Variants in DNAH6 observed in about 807,000 individuals in gnomAD.
DNAH6 encodes the protein axonemal beta dynein heavy chain 6.
In DNAH6, 340 loss-of-function variants were observed where a neutral mutation model predicts 491.4. The ratio of observed to expected loss-of-function variants is 0.69; its 90% confidence interval spans 0.63 to 0.76. The LOEUF (loss-of-function observed/expected upper bound fraction) is 0.76, where lower values mean the gene tolerates loss of function less well. Ranked by LOEUF, DNAH6 falls within the 30% of genes least tolerant of loss-of-function variation. The pLI is 0.00. For synonymous variants in DNAH6, 1,603 were observed against 1,686.1 expected, an observed-to-expected ratio of 0.95 and a Z score of 1.21; for missense variants, 4,443 against 4,972.2, an observed-to-expected ratio of 0.89 and a Z score of 3.20.
At chr2:84,508,114 A>G in the DNAH6 span, among the ~76,000 whole-genome samples, 1 of 152,112 alleles carries the variant, frequency 6.6e-6, no homozygotes, top group East Asian at 1.9e-4. Flanking sequence ...CTCTTTTTCT[A>G]TTGATTGGAG....
intron 47 of DNAH6, 93 bp from the exon 48 acceptor site, chr2:84,699,501 G>C: frequency 9.2e-7 from 1 of 1,081,346 alleles, no homozygotes; most frequent in South Asian, 1.6e-5. Context: ...TTTTATATTT[G>C]ATATTGGGAG....
chr2:84,656,783 A>G (rs1691013041), intron 35 of DNAH6, among the ~76,000 whole-genome samples: 2 of 151,916 alleles, frequency 1.3e-5, no homozygotes, highest in African/African-American at 4.8e-5. Flanking sequence ...TTCAGATTGT[A>G]TAAATATTTC....
chr2:84,726,561 A>C (rs958812829), intron 60 of DNAH6, among the ~76,000 whole-genome samples: 1 of 152,038 alleles, frequency 6.6e-6, no homozygotes, highest in African/African-American at 2.4e-5. Context: ...GCATGTTCTC[A>C]CTCATAGGTG....
intron 18 of DNAH6, among the ~76,000 whole-genome samples, chr2:84,596,869 A>G (rs545239274): frequency 4.3e-4 from 66 of 152,278 alleles, no homozygotes; most frequent in African/African-American, 1.5e-3. Context: ...ATAATTGTAA[A>G]CAAATTTATT....
At chr2:84,623,976 A>G (rs1431080085) in intron 26 of DNAH6, among the ~76,000 whole-genome samples, 1 of 152,138 alleles carries the variant, frequency 6.6e-6, no homozygotes, top group Non-Finnish European at 1.5e-5. Flanking sequence ...GCAAATGTCT[A>G]CTCAGGTCTC....
At chr2:84,670,238 C>A in intron 38 of DNAH6, 90 bp from the exon 39 acceptor site, 1 of 859,722 alleles carries the variant, frequency 1.2e-6, no homozygotes, top group Non-Finnish European at 1.8e-6. Flanking sequence ...CTCTTTTTAT[C>A]CTGTTTCTTA....
chr2:84,632,713 C>G (rs1236699273), intron 29 of DNAH6, among the ~76,000 whole-genome samples: 1 of 149,386 alleles, frequency 6.7e-6, no homozygotes, highest in Admixed American at 6.6e-5. Flanking sequence ...CATTCAACTT[C>G]TCTTACCTTG....
At chr2:84,578,707 A>G (rs1682716274) in intron 13 of DNAH6, among the ~76,000 whole-genome samples, 1 of 152,198 alleles carries the variant, frequency 6.6e-6, no homozygotes, top group African/African-American at 2.4e-5. Flanking sequence ...TGATTGAATC[A>G]ACTAAAGTCA....
chr2:84,745,349 C>A, intron 63 of DNAH6, 100 bp downstream of exon 63: 4 of 953,916 alleles, frequency 4.2e-6, no homozygotes, highest in Non-Finnish European at 5.8e-6. Context: ...TAACAATGGC[C>A]AAGTTTGGGA....
At chr2:84,582,866 T>C (rs551407860) in intron 14 of DNAH6, among the ~76,000 whole-genome samples, 2 of 152,388 alleles carry the variant, frequency 1.3e-5, no homozygotes, top group African/African-American at 4.8e-5. Flanking sequence ...TGACCTGTTA[T>C]GTTTCCACAT....
the DNAH6 span, among the ~76,000 whole-genome samples, chr2:84,485,818 C>T: frequency 6.6e-6 from 1 of 151,878 alleles, no homozygotes; most frequent in East Asian, 1.9e-4. Flanking sequence ...CCTCTCCACA[C>T]TAATACACCC....
chr2:84,547,672 T>G, intron 7 of DNAH6, 60 bp downstream of exon 7: 1 of 1,494,816 alleles, frequency 6.7e-7, no homozygotes, highest in Non-Finnish European at 9.0e-7. Flanking sequence ...ATTTCAGCCC[T>G]TTTTTATTTG....
chr2:84,761,463 C>CA (rs951772920), intron 63 of DNAH6, among the ~76,000 whole-genome samples: 1 of 152,008 alleles, frequency 6.6e-6, no homozygotes, highest in Non-Finnish European at 1.5e-5. Context: ...ACTTTTACCC[C>CA]ATAAATTTAT....
At chr2:84,676,733 T>C (rs1693266034) in intron 40 of DNAH6, among the ~76,000 whole-genome samples, 1 of 152,208 alleles carries the variant, frequency 6.6e-6, no homozygotes, top group South Asian at 2.1e-4. Flanking sequence ...GTTTTTAGGA[T>C]TACAGTTTCA....
Position 84,670,364 on chromosome 2 carries a change from G to C in DNAH6, c.6343G>C (p.Glu2115Gln). The change falls in exon 39 of 77, where the codon GAA becomes CAA. Residue 2115 changes from glutamate (E) to glutamine (Q), a missense_variant. Physicochemically the swap from Glu to Gln is conservative, Grantham distance 29. Coordinates refer to ENST00000389394, the MANE Select transcript of DNAH6 (RefSeq NM_001370.2). ...AAAAGGATTGCTAAATAAAATTCAA[G>C]AATCAGCTGGCTATGTCCCTGTTTA... Reference protein sequence around the residue: ...IAKGLLNKIQESAGYVPVYLN... With the variant: ...IAKGLLNKIQQSAGYVPVYLN... 1 of 1,540,256 alleles carries C rather than the reference G, an allele frequency of 6.5e-7. No homozygotes were observed.
rs188053502 is a variant in DNAH6 at position 84,737,660 on chromosome 2, G to A, written c.10342+4081G>A. On this transcript the variant is annotated intron_variant, in intron 62 of 76. Transcript: ENST00000389394. The stretch of plus-strand genomic sequence containing the variant: ...CCTCTGAGGATCCTTTATATTTCGG[G>A]GGGATCATTTGTGATGTCACTTTTG... 2.1e-3 allele frequency among the ~76,000 whole-genome samples: 324 copies of A among 151,838 alleles called. 1 individual carries two copies. Among genetic ancestry groups the A allele is most frequent in the Non-Finnish European group, 3.5e-3 (236 of 67,812 alleles).
intron 11 of DNAH6, among the ~76,000 whole-genome samples, chr2:84,565,129 A>G (rs1275053590): frequency 6.6e-6 from 1 of 152,138 alleles, no homozygotes; most frequent in Non-Finnish European, 1.5e-5. Flanking sequence ...TATGTTCATC[A>G]GGGATATTGG....
At chr2:84,619,110 A>G (rs554919738) in intron 23 of DNAH6, among the ~76,000 whole-genome samples, 1 of 152,216 alleles carries the variant, frequency 6.6e-6, no homozygotes, top group African/African-American at 2.4e-5. Context: ...CTACATAGGT[A>G]TAGCCTCACA....
upstream of DNAH6, among the ~76,000 whole-genome samples, chr2:84,511,887 T>A (rs922608231): frequency 6.6e-6 from 1 of 152,232 alleles, no homozygotes; most frequent in Non-Finnish European, 1.5e-5. Context: ...CCATGGTGTA[T>A]AATCCTTTGA....
Sources: gnomAD v4.1 joint callset for allele counts (sites outside exome capture counted in the v4.1 genomes callset) on GRCh38, gnomAD v4.1.1 for gene constraint, MANE v1.5 for transcripts, NCBI Gene and HGNC (gene_info 2026-07-23, HGNC 2026-07-21) for gene names.